The following GABRG3 variants were observed in gnomAD, a reference collection of about 807,000 sequenced individuals.
The protein encoded by GABRG3 is gamma-aminobutyric acid type A receptor subunit gamma3, also known as gamma-aminobutyric acid receptor subunit gamma-3.
In GABRG3, 25 loss-of-function variants were observed where a neutral mutation model predicts 48.8. The ratio of observed to expected loss-of-function variants is 0.51; its 90% CI spans 0.37 to 0.72. The LOEUF is 0.72. GABRG3 is among the 30% of genes least tolerant of loss of function. GABRG3 has a pLI of 0.00. For synonymous variants in GABRG3, 227 were observed against 217.6 expected, an observed-to-expected ratio of 1.04 and a Z score of -0.38; for missense variants, 394 against 577.9, an observed-to-expected ratio of 0.68 and a Z score of 3.26.
At position 26,976,680 on chromosome 15, in the gene GABRG3, C is replaced by G. The variant is rs1382807177; in HGVS notation, c.54-322C>G. ...ACCTTCACAGGCTATCGGGGTGGAT[C>G]CAAGGGTGTGTTGCCTGCTGGTTGG... On this transcript the variant is annotated intron_variant, in intron 1 of 9. Coordinates refer to ENST00000615808, the MANE Select transcript of GABRG3 (RefSeq NM_033223.5). The surrounding 1 kb of genome is among the most constrained non-coding windows in gnomAD (Gnocchi z 7.8). Among the ~76,000 whole-genome samples the G allele has an allele frequency of 6.6e-6, 1 of 152,088 alleles. No homozygotes were observed. The highest frequency in any genetic ancestry group is 1.5e-5 in the Non-Finnish European group (1 of 68,012).
chr15:27,512,336 A>G (rs1890916343), intron 6 of GABRG3, among the ~76,000 whole-genome samples: 1 of 152,182 alleles, frequency 6.6e-6, no homozygotes, highest in African/African-American at 2.4e-5. Flanking sequence ...TATGGAGTAA[A>G]TATATAATAT....
chr15:27,527,095 A>T (rs1891296022), intron 7 of GABRG3, among the ~76,000 whole-genome samples: 1 of 152,200 alleles, frequency 6.6e-6, no homozygotes, highest in Non-Finnish European at 1.5e-5. Flanking sequence ...AGCTGGGCAG[A>T]AATGTGAGGT....
At chr15:27,045,890 G>A (rs1348959618) in intron 3 of GABRG3, among the ~76,000 whole-genome samples, 1 of 152,112 alleles carries the variant, frequency 6.6e-6, no homozygotes, top group Non-Finnish European at 1.5e-5. Context: ...TGCAGGGGCC[G>A]ATGAGTTCTA....
chr15:27,332,426 T>C (rs28608819), intron 5 of GABRG3, among the ~76,000 whole-genome samples: 6,917 of 152,010 alleles, frequency 0.046, 535 homozygotes, highest in African/African-American at 0.16. Flanking sequence ...CCCAGCTACT[T>C]GGGAGGCTGA....
At chr15:27,487,783 T>C (rs1331969996) in intron 6 of GABRG3, among the ~76,000 whole-genome samples, 1 of 152,234 alleles carries the variant, frequency 6.6e-6, no homozygotes, top group Non-Finnish European at 1.5e-5. Context: ...AAATTATCTA[T>C]AAAAGTACAT....
At chr15:27,040,633 C>G (rs1260780874) in intron 3 of GABRG3, among the ~76,000 whole-genome samples, 1 of 152,242 alleles carries the variant, frequency 6.6e-6, no homozygotes. Context: ...CTCCCATCCT[C>G]TCTCATAATA....
At chr15:27,393,776 G>A (rs1183847027) in intron 5 of GABRG3, among the ~76,000 whole-genome samples, 1 of 152,162 alleles carries the variant, frequency 6.6e-6, no homozygotes, top group Admixed American at 6.5e-5. Context: ...ATACTATGGA[G>A]TGGCATCTTC....
intron 3 of GABRG3, among the ~76,000 whole-genome samples, chr15:27,172,761 G>A (rs545036735): frequency 3.3e-5 from 5 of 152,176 alleles, no homozygotes; most frequent in South Asian, 4.2e-4. Flanking sequence ...CTGCAGACCC[G>A]GTTACCCAGG....
intron 5 of GABRG3, among the ~76,000 whole-genome samples, chr15:27,358,331 A>G (rs1203705236): frequency 6.6e-6 from 1 of 152,218 alleles, no homozygotes; most frequent in Non-Finnish European, 1.5e-5. Context: ...AAGGATAATT[A>G]TGGATGAATA....
At chr15:27,205,714 ATT>A (rs576106850) in intron 3 of GABRG3, among the ~76,000 whole-genome samples, 2 of 142,950 alleles carry the variant, frequency 1.4e-5, no homozygotes. Flanking sequence ...GGTTGGTAGG[ATT>A]TTTTTTTTTT....
chr15:26,987,516 A>G (rs1187449198), intron 2 of GABRG3, among the ~76,000 whole-genome samples: 1 of 152,192 alleles, frequency 6.6e-6, no homozygotes, highest in Non-Finnish European at 1.5e-5. Context: ...ATGTAAACGC[A>G]AGATCATAGT....
intron 5 of GABRG3, among the ~76,000 whole-genome samples, chr15:27,475,046 C>T (rs960748370): frequency 1.3e-5 from 2 of 152,114 alleles, no homozygotes; most frequent in Admixed American, 6.6e-5. Flanking sequence ...AGGAGAATCG[C>T]TTGAACCTGG....
intron 5 of GABRG3, among the ~76,000 whole-genome samples, chr15:27,415,125 G>T (rs1392307461): frequency 6.6e-6 from 1 of 152,128 alleles, no homozygotes; most frequent in Non-Finnish European, 1.5e-5. Flanking sequence ...AAGTATTAAA[G>T]ATGTTGTCTT....
At chr15:27,016,632 T>A (rs1366634519) in intron 2 of GABRG3, among the ~76,000 whole-genome samples, 1 of 152,214 alleles carries the variant, frequency 6.6e-6, no homozygotes, top group Non-Finnish European at 1.5e-5. Flanking sequence ...TGATTATGTA[T>A]GTCCATTTCT....
At chr15:27,330,342 A>G (rs1279139182) in intron 5 of GABRG3, among the ~76,000 whole-genome samples, 2 of 152,256 alleles carry the variant, frequency 1.3e-5, no homozygotes, top group South Asian at 2.1e-4. Context: ...ATTGAATGTT[A>G]TAGATTTTTC....
chr15:27,437,436 A>C (rs1312597655), intron 5 of GABRG3, among the ~76,000 whole-genome samples: 3 of 152,190 alleles, frequency 2.0e-5, no homozygotes, highest in Non-Finnish European at 4.4e-5. Flanking sequence ...ACAGAGGAAA[A>C]TGGCTTTTTC....
chr15:27,276,298 A>G (rs893713560), intron 3 of GABRG3, among the ~76,000 whole-genome samples: 1 of 152,210 alleles, frequency 6.6e-6, no homozygotes, highest in Non-Finnish European at 1.5e-5. Flanking sequence ...GTTGGAAATG[A>G]CAGCACAAAT....
chr15:27,254,940 G>A (rs1162250038), intron 3 of GABRG3, among the ~76,000 whole-genome samples: 5 of 152,052 alleles, frequency 3.3e-5, no homozygotes, highest in African/African-American at 1.2e-4. Context: ...GGGGTGCTCT[G>A]AGACAGAATT....
chr15:27,074,096 T>G (rs1896870509), intron 3 of GABRG3, among the ~76,000 whole-genome samples: 1 of 152,142 alleles, frequency 6.6e-6, no homozygotes, highest in Non-Finnish European at 1.5e-5. Flanking sequence ...GGGAGAACCC[T>G]AATAAGACCA....
Sources: allele counts gnomAD v4.1 joint callset (sites outside exome capture counted in the v4.1 genomes callset), GRCh38; gene constraint gnomAD v4.1.1; non-coding constraint Gnocchi (gnomAD v3.1); transcripts MANE v1.5; gene names NCBI Gene and HGNC (gene_info 2026-07-23, HGNC 2026-07-21).